The following ADAMTS14 variants were observed in gnomAD, a reference collection of about 807,000 sequenced individuals.
ADAMTS14 encodes the protein ADAM metallopeptidase with thrombospondin type 1 motif 14.
In ADAMTS14, 100 loss-of-function variants were observed where a neutral mutation model predicts 128.6. The observed-to-expected ratio is 0.78, with a 90% CI of 0.66 to 0.92. The LOEUF (loss-of-function observed/expected upper bound fraction) is 0.92, where lower values mean the gene tolerates loss of function less well. ADAMTS14 is among the 40% of genes least tolerant of loss of function. The pLI is 0.00. For missense variants in ADAMTS14, 1,562 were observed against 1,658.6 expected (o/e 0.94, Z 1.01); for synonymous variants, 665 against 653.8 (o/e 1.02, Z -0.26).
chr10:70,745,372 T>G (rs1314175554), intron 15 of ADAMTS14, 66 bp downstream of exon 15: 1 of 1,542,682 alleles, frequency 6.5e-7, no homozygotes, highest in East Asian at 2.3e-5. Flanking sequence ...TTGGGGGAGC[T>G]GGGAGACCAG....
At chr10:70,729,243 T>C (rs781246349) in intron 4 of ADAMTS14, 51 bp from the exon 5 acceptor site, 1 of 1,519,670 alleles carries the variant, frequency 6.6e-7, no homozygotes. Context: ...TGGCATGCAG[T>C]AGGCTTGTAA....
chr10:70,754,665 A>G, intron 19 of ADAMTS14, among the ~76,000 whole-genome samples: 1 of 152,094 alleles, frequency 6.6e-6, no homozygotes, highest in South Asian at 2.1e-4. Flanking sequence ...AACACTGGGG[A>G]GGCAGGCGGG....
At chr10:70,731,136 A>G (rs930952522) in intron 6 of ADAMTS14, among the ~76,000 whole-genome samples, 1 of 152,080 alleles carries the variant, frequency 6.6e-6, no homozygotes, top group Non-Finnish European at 1.5e-5. Flanking sequence ...GCACACAGAC[A>G]CATGCACACA....
intron 2 of ADAMTS14, among the ~76,000 whole-genome samples, chr10:70,685,599 T>C (rs1451549936): frequency 1.3e-5 from 2 of 152,084 alleles, no homozygotes; most frequent in African/African-American, 4.8e-5. Flanking sequence ...GGTCATGGAA[T>C]AGCAGGTGAG....
intron 4 of ADAMTS14, among the ~76,000 whole-genome samples, chr10:70,725,383 G>A (rs997348884): frequency 6.6e-6 from 1 of 152,174 alleles, no homozygotes; most frequent in Non-Finnish European, 1.5e-5. Flanking sequence ...CAGATGGAGG[G>A]GGATGGCTTA....
intron 4 of ADAMTS14, among the ~76,000 whole-genome samples, chr10:70,712,505 T>C (rs1017483867): frequency 2.0e-5 from 3 of 152,252 alleles, no homozygotes; most frequent in African/African-American, 7.2e-5. Context: ...ATGTTATAAC[T>C]CGTTCAAAAG....
At chr10:70,688,691 C>A (rs993162233) in intron 2 of ADAMTS14, among the ~76,000 whole-genome samples, 1 of 112,606 alleles carries the variant, frequency 8.9e-6, no homozygotes, top group Non-Finnish European at 2.0e-5. Flanking sequence ...CACAGCGAAA[C>A]CCCGTCTCCA....
chr10:70,721,134 C>G (rs750945057), intron 4 of ADAMTS14, among the ~76,000 whole-genome samples: 1 of 148,824 alleles, frequency 6.7e-6, no homozygotes, highest in Non-Finnish European at 1.5e-5. Flanking sequence ...AAGTGATTCT[C>G]CTGCCTCAGC....
intron 4 of ADAMTS14, among the ~76,000 whole-genome samples, chr10:70,712,271 G>A (rs2132623508): frequency 6.6e-6 from 1 of 152,302 alleles, no homozygotes; most frequent in South Asian, 2.1e-4. Context: ...GAAAGGGGTA[G>A]GGGAGACCTC....
chr10:70,722,689 A>C (rs1305188900), intron 4 of ADAMTS14, among the ~76,000 whole-genome samples: 1 of 152,232 alleles, frequency 6.6e-6, no homozygotes, highest in East Asian at 1.9e-4. Flanking sequence ...GTGTGTTTAC[A>C]GGACACAGGA....
At chr10:70,731,920 T>C (rs1177280431) in intron 6 of ADAMTS14, among the ~76,000 whole-genome samples, 1 of 152,098 alleles carries the variant, frequency 6.6e-6, no homozygotes, top group Non-Finnish European at 1.5e-5. Flanking sequence ...GCATAGAAAG[T>C]GTTCGGAGCT....
intron 3 of ADAMTS14, among the ~76,000 whole-genome samples, chr10:70,705,136 G>A (rs926653696): frequency 2.6e-5 from 4 of 152,206 alleles, no homozygotes; most frequent in African/African-American, 9.7e-5. Flanking sequence ...CCTTTCCCAA[G>A]GCTTTGGTGA....
At chr10:70,746,971 C>A (rs931064231) in intron 15 of ADAMTS14, among the ~76,000 whole-genome samples, 3 of 152,030 alleles carry the variant, frequency 2.0e-5, no homozygotes, top group African/African-American at 7.2e-5. Context: ...CCTATTACGT[C>A]TGCCAAGTCA....
Position 70,760,558 on chromosome 10 carries a change from AC to A in ADAMTS14, c.3380del (p.Pro1127LeufsTer83). On this transcript the variant is annotated frameshift_variant, in exon 22 of 22. Coordinates refer to ENST00000373207, the MANE Select transcript of ADAMTS14 (RefSeq NM_080722.4). ...TPGSPLPGPQDPADAAEPPGK... is the reference protein window; with the variant it reads ...TPGSPLPGPQXPADAAEPPGK... ...GGAAGCCCCTTACCAGGACCCCAGG[AC>A]CCTGCAGATGCTGCAGAGCCTCCTG... is the stretch of plus-strand genomic sequence containing the variant. 6.2e-7 allele frequency: 1 copy of A among 1,613,404 alleles called. No homozygotes were observed. Among genetic ancestry groups the A allele is most frequent in the Non-Finnish European group, 8.5e-7 (1 of 1,179,708 alleles).
intron 2 of ADAMTS14, among the ~76,000 whole-genome samples, chr10:70,685,485 C>A (rs1421987517): frequency 6.6e-6 from 1 of 152,174 alleles, no homozygotes; most frequent in Non-Finnish European, 1.5e-5. Context: ...TGACTTTGGC[C>A]TGAGTTGGAG....
chr10:70,717,004 T>C (rs1368153832), intron 4 of ADAMTS14, among the ~76,000 whole-genome samples: 3 of 152,232 alleles, frequency 2.0e-5, no homozygotes, highest in Non-Finnish European at 4.4e-5. Context: ...GCTGTCTTTT[T>C]CTGTGCCTGT....
At chr10:70,702,995 A>G (rs1840544318) in intron 3 of ADAMTS14, among the ~76,000 whole-genome samples, 1 of 152,210 alleles carries the variant, frequency 6.6e-6, no homozygotes, top group African/African-American at 2.4e-5. Context: ...CTCATCAGTA[A>G]AGCAGAGATG....
intron 2 of ADAMTS14, among the ~76,000 whole-genome samples, chr10:70,697,941 ACACCTCCCAGGGAAGG>A (rs1241732586): frequency 2.0e-5 from 3 of 152,160 alleles, no homozygotes; most frequent in Non-Finnish European, 2.9e-5. Flanking sequence ...ATTCAGCCAC[ACACCTCCCAGGGAAGG>A]CACCTCAGAA....
At chr10:70,751,410 T>C (rs1393728790) in intron 16 of ADAMTS14, 68 bp from the exon 17 acceptor site, 16 of 1,493,436 alleles carry the variant, frequency 1.1e-5, no homozygotes, top group Non-Finnish European at 1.4e-5. Context: ...CTTCGGCCCC[T>C]CCCCTCCCAG....
Sources: allele counts gnomAD v4.1 joint callset (sites outside exome capture counted in the v4.1 genomes callset), GRCh38; gene constraint gnomAD v4.1.1; transcripts MANE v1.5; gene names NCBI Gene and HGNC (gene_info 2026-07-23, HGNC 2026-07-21).